Variants in RGL1 observed in about 807,000 individuals in gnomAD.
The protein encoded by RGL1 is ral guanine nucleotide dissociation stimulator like 1.
A neutral mutation model predicts 95.2 loss-of-function variants in RGL1; 24 were observed. The observed-to-expected ratio is 0.25, with a 90% CI of 0.18 to 0.35. RGL1 has a LOEUF of 0.35. Among genes scored for constraint, RGL1 ranks in the 10% least tolerant of loss-of-function variants. The probability of loss-of-function intolerance (pLI) is 1.00; values close to 1 mark genes in which losing one functional copy is unlikely to be tolerated. For missense variants in RGL1, 715 were observed against 936.3 expected (o/e 0.76, Z 3.08); for synonymous variants, 329 against 344.9 (o/e 0.95, Z 0.51).
intron 1 of RGL1, among the ~76,000 whole-genome samples, chr1:183,637,671 C>G (rs1437571680): frequency 2.0e-5 from 3 of 152,046 alleles, no homozygotes; most frequent in Non-Finnish European, 4.4e-5. Context: ...TTTTTCTGTT[C>G]CCAATTAAAC....
chr1:183,823,652 C>G (rs556019151), intron 2 of RGL1, among the ~76,000 whole-genome samples: 1 of 152,170 alleles, frequency 6.6e-6, no homozygotes, highest in African/African-American at 2.4e-5. Context: ...ATTCAACTTA[C>G]GGAGTTCCAC....
chr1:183,856,954 C>T (rs1453472666), intron 3 of RGL1, among the ~76,000 whole-genome samples: 1 of 152,124 alleles, frequency 6.6e-6, no homozygotes, highest in Admixed American at 6.5e-5. Context: ...TAATAATTTA[C>T]ATATCCAAAG....
rs756763376 is a variant in RGL1, at chr1:183,647,748, A to G, written c.-33+11247A>G. On this transcript the variant is annotated intron_variant, in intron 1 of 18. Coordinates refer to the RGL1 transcript ENST00000304685. The stretch of plus-strand genomic sequence containing the variant: ...ACTTGCAAACTGTTCTGTGATTTCC[A>G]CTATCTCCACTGACCTTCCAGTGGG... 6.2e-6 allele frequency: 10 copies of G among 1,613,662 alleles called. No individual in the cohort carries two copies. The Admixed American group carries it at 8.3e-5, about 13-fold the overall frequency.
At chr1:183,832,238 G>A (rs1257869422) in intron 2 of RGL1, among the ~76,000 whole-genome samples, 1 of 152,176 alleles carries the variant, frequency 6.6e-6, no homozygotes, top group African/African-American at 2.4e-5. Flanking sequence ...GGATTTTGGG[G>A]GGATGAGGGA....
chr1:183,758,971 C>T (rs569468331), intron 2 of RGL1, among the ~76,000 whole-genome samples: 2 of 152,272 alleles, frequency 1.3e-5, no homozygotes, highest in Admixed American at 1.3e-4. Flanking sequence ...TAATTGTAAA[C>T]AGTCTGTTTG....
At chr1:183,859,919 T>G (rs1176857157) in intron 3 of RGL1, among the ~76,000 whole-genome samples, 1 of 152,154 alleles carries the variant, frequency 6.6e-6, no homozygotes, top group Non-Finnish European at 1.5e-5. Context: ...TGGAGGATAT[T>G]ATTCAGAGTA....
chr1:183,876,875 C>A (rs570189558), intron 4 of RGL1, among the ~76,000 whole-genome samples: 3 of 152,178 alleles, frequency 2.0e-5, no homozygotes, highest in African/African-American at 7.2e-5. Flanking sequence ...GATGGATTTT[C>A]GCTGAGCCAT....
intron 1 of RGL1, among the ~76,000 whole-genome samples, chr1:183,702,208 A>G (rs1423368887): frequency 6.6e-6 from 1 of 152,190 alleles, no homozygotes; most frequent in Non-Finnish European, 1.5e-5. Flanking sequence ...GAAACAAACA[A>G]GAAGTTTCTG....
intron 17 of RGL1, among the ~76,000 whole-genome samples, chr1:183,924,046 T>C (rs1020785884): frequency 1.3e-5 from 2 of 152,208 alleles, no homozygotes; most frequent in Non-Finnish European, 2.9e-5. Flanking sequence ...AAATACTGTA[T>C]ACCTTCTTGT....
At chr1:183,778,387 G>A (rs1213190039) in intron 2 of RGL1, among the ~76,000 whole-genome samples, 1 of 152,194 alleles carries the variant, frequency 6.6e-6, no homozygotes, top group Non-Finnish European at 1.5e-5. Flanking sequence ...ATAAACAGGA[G>A]AGGGAAGACA....
rs1297052868 is a variant in RGL1 at position 183,892,119 on chromosome 1, A to G, written c.1098A>G (p.Ser366=). The change falls in exon 9 of 18, where the codon TCA becomes TCG. Residue 366 remains serine (S), a synonymous_variant. Coordinates refer to ENST00000360851, the MANE Select transcript of RGL1 (RefSeq NM_001297671.3). ...TTGAAGAACTTTCAGATATCTTCTC[A>G]GACCATAATAACCATTTGACCAGCC... The part of the protein sequence containing the change: ...LMFEELSDIF[S]DHNNHLTSRE... The G allele has an allele frequency of 6.2e-7, 1 of 1,613,062 alleles. No homozygotes were observed. Among genetic ancestry groups the G allele is most frequent in the Non-Finnish European group, 8.5e-7 (1 of 1,179,390 alleles).
chr1:183,809,334 T>G (rs1661545389), intron 2 of RGL1, among the ~76,000 whole-genome samples: 1 of 152,242 alleles, frequency 6.6e-6, no homozygotes, highest in African/African-American at 2.4e-5. Context: ...CCAAAACATT[T>G]AGGTCATTCT....
chr1:183,713,376 A>AC (rs67341503), intron 1 of RGL1, among the ~76,000 whole-genome samples: 10,547 of 47,832 alleles, frequency 0.22, 2,154 homozygotes, highest in African/African-American at 0.23. Flanking sequence ...ATCTAGAGGC[A>AC]CCCCCCCCCC....
At chr1:183,829,439 T>TAAAAA (rs748047870) in intron 2 of RGL1, among the ~76,000 whole-genome samples, 1 of 132,820 alleles carries the variant, frequency 7.5e-6, no homozygotes. Context: ...AGACCCTGCT[T>TAAAAA]AAAAAAAAAA....
At chr1:183,826,198 C>T (rs531263650) in intron 2 of RGL1, among the ~76,000 whole-genome samples, 3 of 152,046 alleles carry the variant, frequency 2.0e-5, no homozygotes, top group East Asian at 1.9e-4. Context: ...GGACTACAGG[C>T]GCCCACCACC....
At chr1:183,705,586 G>A (rs537633261) in intron 1 of RGL1, among the ~76,000 whole-genome samples, 135 of 152,312 alleles carry the variant, frequency 8.9e-4, no homozygotes, top group Non-Finnish European at 1.8e-3. Context: ...GGGTGTCGGG[G>A]TTTTCCCATG....
chr1:183,872,169 G>A (rs541249856), intron 4 of RGL1, among the ~76,000 whole-genome samples: 1 of 152,164 alleles, frequency 6.6e-6, no homozygotes, highest in East Asian at 1.9e-4. Flanking sequence ...GAACCAGATG[G>A]AAAAAGTGAA....
chr1:183,865,241 G>A lies in RGL1; in HGVS notation c.348-755G>A, dbSNP rs375013921. Among the ~76,000 whole-genome samples, 25 of 152,308 alleles carry A rather than the reference G, an allele frequency of 1.6e-4. 1 individual carries two copies. The East Asian group carries it at 4.4e-3, about 27-fold the overall frequency. On this transcript the variant is annotated intron_variant, in intron 3 of 17. Transcript: ENST00000360851. ...GTTGGGAGAACAGCTAGCAGTGTAA[G>A]TAGGGACTGATGAATTATTGAGTAA...
chr1:183,713,516 TG>T (rs1228079054), intron 1 of RGL1, among the ~76,000 whole-genome samples: 1 of 151,954 alleles, frequency 6.6e-6, no homozygotes, highest in Admixed American at 6.6e-5. Flanking sequence ...CCTTTCTCAA[TG>T]CGATGGCATT....
Sources: allele counts gnomAD v4.1 joint callset (sites outside exome capture counted in the v4.1 genomes callset), GRCh38; gene constraint gnomAD v4.1.1; transcripts MANE v1.5; gene names NCBI Gene and HGNC (gene_info 2026-07-23, HGNC 2026-07-21).